The following GRIN2B variants were observed in gnomAD, a reference collection of about 807,000 sequenced individuals.
GRIN2B encodes glutamate ionotropic receptor NMDA type subunit 2B.
A neutral mutation model predicts 114.5 loss-of-function variants in GRIN2B; 5 were observed. The observed-to-expected ratio is 0.04, with a 90% confidence interval of 0.02 to 0.09. The LOEUF (loss-of-function observed/expected upper bound fraction) is 0.09, where lower values mean the gene tolerates loss of function less well. GRIN2B is among the 10% of genes least tolerant of loss of function. The pLI is 1.00. For missense variants in GRIN2B, 1,108 were observed against 1,943.5 expected (o/e 0.57, Z 8.08); for synonymous variants, 787 against 745.1 (o/e 1.06, Z -0.92).
At chr12:13,797,252 C>T (rs895440385) in intron 3 of GRIN2B, among the ~76,000 whole-genome samples, 3 of 152,104 alleles carry the variant, frequency 2.0e-5, no homozygotes, top group Non-Finnish European at 2.9e-5. Context: ...TCTCTTGGGT[C>T]TGTTTTATAA....
chr12:13,732,136 C>T (rs979109033), intron 4 of GRIN2B, among the ~76,000 whole-genome samples: 16 of 151,278 alleles, frequency 1.1e-4, no homozygotes, highest in African/African-American at 3.6e-4. Context: ...CAACCCTTTA[C>T]TATTGCATGT....
intron 3 of GRIN2B, among the ~76,000 whole-genome samples, chr12:13,862,441 G>A (rs1039542414): frequency 5.3e-5 from 8 of 152,062 alleles, no homozygotes; most frequent in Non-Finnish European, 5.9e-5. Flanking sequence ...ACCTGTCTCC[G>A]AGAAGGGGAG....
At chr12:13,887,635 G>A (rs945994113) in intron 2 of GRIN2B, among the ~76,000 whole-genome samples, 4 of 152,162 alleles carry the variant, frequency 2.6e-5, no homozygotes, top group African/African-American at 9.7e-5. Context: ...ATGCTTTGGG[G>A]ATTTATTTCA....
At chr12:13,575,297 G>T (rs1290547118) in intron 10 of GRIN2B, among the ~76,000 whole-genome samples, 2 of 152,112 alleles carry the variant, frequency 1.3e-5, no homozygotes, top group Non-Finnish European at 2.9e-5. Flanking sequence ...ATAAATTAAA[G>T]CTATTAAAAC....
intron 4 of GRIN2B, among the ~76,000 whole-genome samples, chr12:13,709,476 TAGAA>T (rs1950394850): frequency 1.3e-5 from 2 of 151,980 alleles, no homozygotes; most frequent in South Asian, 4.2e-4. Context: ...ACACAGAAGA[TAGAA>T]AGAAGAACCA....
chr12:13,801,899 G>A (rs186470505), intron 3 of GRIN2B, among the ~76,000 whole-genome samples: 2 of 152,090 alleles, frequency 1.3e-5, no homozygotes, highest in African/African-American at 2.4e-5. Flanking sequence ...TAGACAAGAC[G>A]AGTTACCTAC....
At chr12:13,939,316 G>T (rs1757258570) in intron 2 of GRIN2B, among the ~76,000 whole-genome samples, 2 of 152,020 alleles carry the variant, frequency 1.3e-5, no homozygotes. Flanking sequence ...TTTGGGTCAG[G>T]GGGCTGAATC....
chr12:13,694,620 A>G (rs974670890), intron 4 of GRIN2B, among the ~76,000 whole-genome samples: 1 of 137,864 alleles, frequency 7.3e-6, no homozygotes, highest in African/African-American at 2.7e-5. Flanking sequence ...AGTCCACTAC[A>G]GTAGCTCCTT....
chr12:13,567,303 A>T (rs201873603), intron 12 of GRIN2B, 40 bp from the exon 13 acceptor site: 311 of 1,427,114 alleles, frequency 2.2e-4, no homozygotes, highest in Non-Finnish European at 2.7e-4. Flanking sequence ...TAAAAAGAGG[A>T]GACAGGAAAG....
intron 4 of GRIN2B, among the ~76,000 whole-genome samples, chr12:13,740,881 T>C (rs1303330249): frequency 6.6e-6 from 1 of 152,116 alleles, no homozygotes; most frequent in Non-Finnish European, 1.5e-5. Context: ...CAAGTAGAGA[T>C]GGGCACACTT....
intron 2 of GRIN2B, among the ~76,000 whole-genome samples, chr12:13,954,811 G>GAAAAAAAAAAAAAAAAAAACA (rs61525874): frequency 3.9e-5 from 1 of 25,552 alleles, no homozygotes; most frequent in Non-Finnish European, 1.0e-4. Flanking sequence ...TCCGTCTCAG[G>GAAAAAAAAAAAAAAAAAAACA]AAAAAAAAAA....
intron 2 of GRIN2B, among the ~76,000 whole-genome samples, chr12:13,955,549 C>T (rs950962516): frequency 3.3e-5 from 5 of 152,154 alleles, no homozygotes; most frequent in African/African-American, 7.2e-5. Flanking sequence ...CAAGAAACAG[C>T]TGAACCGGTT....
intron 2 of GRIN2B, among the ~76,000 whole-genome samples, chr12:13,908,633 C>T (rs1258602365): frequency 6.6e-6 from 1 of 152,138 alleles, no homozygotes; most frequent in Non-Finnish European, 1.5e-5. Context: ...TACCTTGCAC[C>T]TGATCTTTGA....
chr12:13,763,141 A>G (rs1863713033), intron 3 of GRIN2B, among the ~76,000 whole-genome samples: 1 of 152,294 alleles, frequency 6.6e-6, no homozygotes, highest in South Asian at 2.1e-4. Flanking sequence ...AAATCTTCCA[A>G]CAACTTGTCA....
At chr12:13,816,768 G>T (rs1323621465) in intron 3 of GRIN2B, among the ~76,000 whole-genome samples, 2 of 152,170 alleles carry the variant, frequency 1.3e-5, no homozygotes, top group East Asian at 3.8e-4. Flanking sequence ...TTATGTGTGT[G>T]TACATTAATT....
intron 3 of GRIN2B, among the ~76,000 whole-genome samples, chr12:13,789,549 T>C (rs1442752337): frequency 6.6e-6 from 1 of 152,212 alleles, no homozygotes. Flanking sequence ...AGTTTTTTTT[T>C]AGTCGCTCTG....
intron 3 of GRIN2B, among the ~76,000 whole-genome samples, chr12:13,841,228 T>C (rs1427515888): frequency 6.6e-6 from 1 of 152,190 alleles, no homozygotes; most frequent in Admixed American, 6.5e-5. Flanking sequence ...ATGAATGATT[T>C]ATCCAAGATC....
intron 5 of GRIN2B, among the ~76,000 whole-genome samples, chr12:13,652,169 C>G (rs949386137): frequency 1.3e-5 from 2 of 151,824 alleles, no homozygotes; most frequent in African/African-American, 4.8e-5. Flanking sequence ...CTACCTCAGA[C>G]TTTAGCACTT....
intron 5 of GRIN2B, among the ~76,000 whole-genome samples, chr12:13,657,430 T>A (rs1676770827): frequency 6.6e-6 from 1 of 152,154 alleles, no homozygotes; most frequent in African/African-American, 2.4e-5. Context: ...GTAGCTGCAA[T>A]GGGAATCCCA....
Sources: gnomAD v4.1 joint callset for allele counts (sites outside exome capture counted in the v4.1 genomes callset) on GRCh38, gnomAD v4.1.1 for gene constraint, MANE v1.5 for transcripts, NCBI Gene and HGNC (gene_info 2026-07-23, HGNC 2026-07-21) for gene names.